NUGGC: variants seen among roughly 807,000 people sequenced by gnomAD.
NUGGC encodes nuclear GTPase, germinal center associated.
In NUGGC, 58 loss-of-function variants were observed where a neutral mutation model predicts 92.6. The observed-to-expected ratio is 0.63, with a 90% CI of 0.51 to 0.78. The LOEUF (loss-of-function observed/expected upper bound fraction) is 0.78. Ranked by LOEUF, NUGGC falls within the 30% of genes least tolerant of loss-of-function variation. The pLI is 0.00. For synonymous variants in NUGGC, 376 were observed against 366.4 expected, an observed-to-expected ratio of 1.03 and a Z score of -0.30; for missense variants, 925 against 964.6, an observed-to-expected ratio of 0.96 and a Z score of 0.54.
At chr8:28,045,089 AT>A (rs1395509236) in intron 12 of NUGGC, among the ~76,000 whole-genome samples, 1 of 152,138 alleles carries the variant, frequency 6.6e-6, no homozygotes, top group Non-Finnish European at 1.5e-5. Context: ...CTCTCACATT[AT>A]TTTCCTGTGC....
chr8:28,083,604 T>C (rs1458266943), intron 1 of NUGGC, among the ~76,000 whole-genome samples, 171 bp downstream of exon 1: 2 of 152,186 alleles, frequency 1.3e-5, no homozygotes, highest in African/African-American at 4.8e-5. Context: ...TTGTAACAAA[T>C]GTACCACACT....
In NUGGC at chr8:28,069,784, T is replaced by C. The variant is rs565840250; in HGVS notation, c.149-132A>G. On this transcript the variant is annotated intron_variant, in intron 3 of 18. Coordinates refer to ENST00000413272, the MANE Select transcript of NUGGC (RefSeq NM_001010906.2). ...GAAATGAAAAGCCGATTAAACAAGATAGCAGGTTATCTCACACGAGGGATG... is the reference window on the plus strand; with the variant it reads ...GAAATGAAAAGCCGATTAAACAAGACAGCAGGTTATCTCACACGAGGGATG... 9 of 668,232 alleles carry C rather than the reference T, an allele frequency of 1.3e-5. No homozygotes were observed. In the East Asian group the frequency reaches 2.4e-4, roughly 18 times the overall value. The allele number at this position is 668,232 out of a possible 1,614,324, so 41.4% of individuals were successfully genotyped here. A position where few individuals can be genotyped will look rare whatever the true frequency, so the allele number is the denominator to read the frequency against.
In NUGGC at chr8:28,031,282, C is replaced by G; in HGVS notation, c.1869G>C (p.Trp623Cys). ...KMTEIGIRSG[W>C]KYDSCKKNFL... The stretch of plus-strand genomic sequence containing the variant: ...AATTTTTTTTGCAGCTATCATATTT[C>G]CAGCCACTTCTTATCCCAATTTCTG... The change falls in exon 15 of 19, where the codon TGG becomes TGC. Residue 623 changes from tryptophan to cysteine, a missense_variant. Trp to Cys is a radical substitution (Grantham distance 215). Transcript: ENST00000413272. The G allele has an allele frequency of 6.2e-7, 1 of 1,614,016 alleles. No individual in the cohort carries two copies. The highest frequency in any genetic ancestry group is 1.1e-5 in the South Asian group (1 of 91,080).
In NUGGC at chr8:28,051,694, G is replaced by C. The variant is rs964752534; in HGVS notation, c.1207-4082C>G. Reference sequence around the variant, plus strand: ...TAATCCCAGCACTTTGAGAGGCTGAGGGCAGATCACCTGAGGTCGGGAGTT... The same window carrying C: ...TAATCCCAGCACTTTGAGAGGCTGACGGCAGATCACCTGAGGTCGGGAGTT... On this transcript the variant is annotated intron_variant, in intron 10 of 18. Transcript: ENST00000413272. 2.0e-5 allele frequency among the ~76,000 whole-genome samples: 3 copies of C among 152,164 alleles called. No homozygotes were observed. In the South Asian group the frequency reaches 6.2e-4, roughly 32 times the overall value.
At chr8:28,029,185 G>A in intron 17 of NUGGC, 81 bp downstream of exon 17, 1 of 1,452,068 alleles carries the variant, frequency 6.9e-7, no homozygotes. Context: ...TGCCTACTAT[G>A]CCTTCCACCT....
chr8:28,046,116 T>A lies in NUGGC; in HGVS notation c.1313-456A>T, dbSNP rs766006398. Among the ~76,000 whole-genome samples the A allele has an allele frequency of 5.9e-5, 9 of 152,196 alleles. No homozygotes were observed. In the South Asian group the frequency reaches 8.3e-4, roughly 14 times the overall value. On this transcript the variant is annotated intron_variant, in intron 11 of 18. Coordinates refer to ENST00000413272, the MANE Select transcript of NUGGC (RefSeq NM_001010906.2). ...AACCTCTGACATGCAGGATTCTAGATGTGACAGGATTCCTGTCACATCCTA... is the reference window on the plus strand; with the variant it reads ...AACCTCTGACATGCAGGATTCTAGAAGTGACAGGATTCCTGTCACATCCTA...
chr8:28,083,072 G>A (rs1810888656), intron 1 of NUGGC, among the ~76,000 whole-genome samples: 1 of 152,184 alleles, frequency 6.6e-6, no homozygotes, highest in Admixed American at 6.5e-5. Context: ...CCTCAAGGAG[G>A]TAGAATAAAA....
chr8:28,037,414 C>T (rs931801097), intron 13 of NUGGC, among the ~76,000 whole-genome samples: 2 of 152,156 alleles, frequency 1.3e-5, no homozygotes, highest in Non-Finnish European at 2.9e-5. Context: ...CCTTCCCTGC[C>T]CCTCCACTCC....
intron 11 of NUGGC, 36 bp from the exon 12 acceptor site, chr8:28,045,696 G>T: frequency 6.3e-7 from 1 of 1,598,748 alleles, no homozygotes. Flanking sequence ...ATTGTTAAAG[G>T]CCAGAAGTTT....
At chr8:28,047,733 C>T in intron 10 of NUGGC, 121 bp from the exon 11 acceptor site, 3 of 594,088 alleles carry the variant, frequency 5.0e-6, no homozygotes, top group Non-Finnish European at 6.0e-6. Context: ...TCTCCATGAC[C>T]CTCTCTGGGA....
intron 4 of NUGGC, 60 bp from the exon 5 acceptor site, chr8:28,068,498 G>A: frequency 8.6e-7 from 1 of 1,166,596 alleles, no homozygotes; most frequent in South Asian, 1.3e-5. Context: ...GAAGAGCATT[G>A]AAACAGAATG....
At chr8:28,069,499 A>G (rs1474128482) in intron 4 of NUGGC, 45 bp downstream of exon 4, 1 of 955,454 alleles carries the variant, frequency 1.0e-6, no homozygotes, top group South Asian at 1.4e-5. Flanking sequence ...TCGCCTAAGG[A>G]AAGACACTGA....
At chr8:28,079,675 G>C (rs1244160550) in intron 1 of NUGGC, among the ~76,000 whole-genome samples, 1 of 152,192 alleles carries the variant, frequency 6.6e-6, no homozygotes, top group Non-Finnish European at 1.5e-5. Flanking sequence ...CAAGTTCAAT[G>C]TTCTTTTCAT....
At chr8:28,049,277 A>C (rs1020738846) in intron 10 of NUGGC, among the ~76,000 whole-genome samples, 1 of 152,218 alleles carries the variant, frequency 6.6e-6, no homozygotes, top group African/African-American at 2.4e-5. Flanking sequence ...TGAAGTTGCA[A>C]AAAGAATCTA....
intron 1 of NUGGC, among the ~76,000 whole-genome samples, chr8:28,079,171 T>C (rs967279714): frequency 2.0e-5 from 3 of 152,240 alleles, no homozygotes; most frequent in Non-Finnish European, 4.4e-5. Flanking sequence ...ATTGTTTTTT[T>C]TCTTACAGGA....
chr8:28,075,084 G>T (rs1449039563), intron 1 of NUGGC, among the ~76,000 whole-genome samples: 1 of 152,180 alleles, frequency 6.6e-6, no homozygotes, highest in East Asian at 1.9e-4. Context: ...CTCCACTGGG[G>T]CAAGGCTTGA....
At chr8:28,045,497 G>A (rs902439060) in intron 12 of NUGGC, 30 bp downstream of exon 12, 3 of 1,601,364 alleles carry the variant, frequency 1.9e-6, no homozygotes, top group Admixed American at 3.4e-5. Flanking sequence ...CAGGAAGGGG[G>A]AGAATATGAA....
At chr8:28,026,787 TCA>T (rs1212792973) in intron 18 of NUGGC, among the ~76,000 whole-genome samples, 173 bp downstream of exon 18, 4 of 152,070 alleles carry the variant, frequency 2.6e-5, no homozygotes, top group Non-Finnish European at 4.4e-5. Context: ...ATCATCATCA[TCA>T]TCATCACCAT....
chr8:28,068,210 A>T lies in NUGGC; in HGVS notation c.480+6T>A. 8.5e-6 allele frequency: 13 copies of T among 1,530,186 alleles called. No homozygotes were observed. Among genetic ancestry groups the T allele is most frequent in the Non-Finnish European group, 1.2e-5 (13 of 1,129,256 alleles). 94.8% of individuals were successfully genotyped at this position (1,530,186 alleles called of 1,614,324 possible). ...GGAAGGAAGGAGGGAGGAAGGGAAC[A>T]CTTACCTGGTCAGACAGAAGGTGGA... On this transcript the variant is annotated splice_donor_region_variant and intron_variant, in intron 5 of 18. Coordinates refer to ENST00000413272, the MANE Select transcript of NUGGC (RefSeq NM_001010906.2).
Sources: allele counts gnomAD v4.1 joint callset (sites outside exome capture counted in the v4.1 genomes callset), GRCh38; gene constraint gnomAD v4.1.1; transcripts MANE v1.5; gene names NCBI Gene and HGNC (gene_info 2026-07-23, HGNC 2026-07-21).